The following SLC16A6 variants were observed in gnomAD, a reference collection of about 807,000 sequenced individuals.
SLC16A6 encodes monocarboxylate transporter 7.
Under a neutral mutation model 33.8 loss-of-function variants are expected in SLC16A6, and 15 were observed. The ratio of observed to expected loss-of-function variants is 0.44; its 90% CI spans 0.30 to 0.68. The LOEUF (loss-of-function observed/expected upper bound fraction) is 0.68, where lower values mean the gene tolerates loss of function less well. SLC16A6 is among the 30% of genes least tolerant of loss of function. The probability of loss-of-function intolerance (pLI) is 0.10; values close to 1 mark genes in which losing one functional copy is unlikely to be tolerated. For missense variants in SLC16A6, 451 were observed against 661.5 expected (o/e 0.68, Z 3.49); for synonymous variants, 219 against 248.4 (o/e 0.88, Z 1.11).
At chr17:68,273,841 T>C in intron 3 of SLC16A6, 86 bp downstream of exon 3, 1 of 1,455,476 alleles carries the variant, frequency 6.9e-7, no homozygotes, top group Middle Eastern at 1.8e-4. Flanking sequence ...GAAAGAAATA[T>C]AGTTTGGCTT....
intron 1 of SLC16A6, among the ~76,000 whole-genome samples, chr17:68,281,573 CAAATAAAT>C (rs549607371): frequency 1.3e-5 from 2 of 151,750 alleles, no homozygotes; most frequent in Admixed American, 1.3e-4. Flanking sequence ...GACTCTGTCT[CAAATAAAT>C]AAATAAATAA....
At chr17:68,282,536 C>T (rs150924972) in intron 1 of SLC16A6, among the ~76,000 whole-genome samples, 20,093 of 151,082 alleles carry the variant, frequency 0.13, 1,702 homozygotes, top group Middle Eastern at 0.22. Flanking sequence ...CAGTGGCTCA[C>T]GCCTGTAATC....
intron 1 of SLC16A6, among the ~76,000 whole-genome samples, chr17:68,284,645 G>A (rs2075800832): frequency 6.6e-6 from 1 of 152,112 alleles, no homozygotes; most frequent in Non-Finnish European, 1.5e-5. Context: ...CTAATGTTCT[G>A]AATTTACTCT....
chr17:68,276,785 C>A (rs192914022), intron 2 of SLC16A6, among the ~76,000 whole-genome samples: 70 of 152,126 alleles, frequency 4.6e-4, no homozygotes, highest in African/African-American at 1.6e-3. Flanking sequence ...TTCAACAGCC[C>A]TTTTCTCTTA....
At position 68,272,675 on chromosome 17, in the gene SLC16A6, T is replaced by C; in HGVS notation, c.469A>G (p.Thr157Ala). The C allele has an allele frequency of 1.2e-6, 2 of 1,614,138 alleles. No individual in the cohort carries two copies. The highest frequency in any genetic ancestry group is 1.7e-6 in the Non-Finnish European group (2 of 1,179,992). ...RRSIVTAVAS[T>A]GECFAVFAFA... ...GCAAACACAGCGAAACATTCTCCTGTGGAAGCAACTGCAGTGACTATGGAA... is the reference window on the plus strand; with the variant it reads ...GCAAACACAGCGAAACATTCTCCTGCGGAAGCAACTGCAGTGACTATGGAA... The change falls in exon 4 of 6, where the codon ACA becomes GCA. Residue 157 changes from threonine (T) to alanine (A), a missense_variant. Transcript: ENST00000580666.
In SLC16A6 at chr17:68,270,955, GTCCCTCCTATTGT is replaced by G; in HGVS notation, c.1192_1204del (p.Thr398LeufsTer30). 1 of 1,614,162 alleles carries G rather than the reference GTCCCTCCTATTGT, an allele frequency of 6.2e-7. No homozygotes were observed. Among genetic ancestry groups the G allele is most frequent in the Non-Finnish European group, 8.5e-7 (1 of 1,180,038 alleles). On this transcript the variant is annotated frameshift_variant, in exon 5 of 6. Coordinates refer to ENST00000580666, the MANE Select transcript of SLC16A6 (RefSeq NM_004694.5). LOFTEE classifies it high-confidence loss of function. ...ATCCTCAGCAAGCAGTGGAATGTGAGTCCCTCCTATTGTTCCAACCATAAACCCAAAAAATATG... is the reference window on the plus strand; with the variant it reads ...ATCCTCAGCAAGCAGTGGAATGTGAGTCCAACCATAAACCCAAAAAATATG...
At chr17:68,272,877 T>A in intron 3 of SLC16A6, 110 bp from the exon 4 acceptor site, 1 of 1,330,352 alleles carries the variant, frequency 7.5e-7, no homozygotes, top group Non-Finnish European at 1.0e-6. Flanking sequence ...TCTTAAGTTC[T>A]AGGAGCCAAG....
At chr17:68,275,865 C>G (rs1304254841) in intron 2 of SLC16A6, among the ~76,000 whole-genome samples, 1 of 151,752 alleles carries the variant, frequency 6.6e-6, no homozygotes, top group East Asian at 2.0e-4. Flanking sequence ...TGCCTGTAAT[C>G]CCAGCTACTC....
chr17:68,289,109 G>A (rs1420673410), intron 1 of SLC16A6, among the ~76,000 whole-genome samples: 7 of 152,286 alleles, frequency 4.6e-5, no homozygotes, highest in African/African-American at 1.7e-4. Flanking sequence ...AATTAGGGAG[G>A]CCGAAGCAGG....
chr17:68,279,552 G>A (rs548450770), intron 1 of SLC16A6, among the ~76,000 whole-genome samples: 3 of 152,080 alleles, frequency 2.0e-5, no homozygotes, highest in Admixed American at 1.3e-4. Context: ...GTCTAAATAA[G>A]GTACTATTAT....
chr17:68,272,014 G>A (rs1273447239), intron 4 of SLC16A6, among the ~76,000 whole-genome samples: 5 of 152,090 alleles, frequency 3.3e-5, no homozygotes, highest in Admixed American at 2.0e-4. Flanking sequence ...TGTTGGCCAG[G>A]ATGGTCTCGA....
chr17:68,282,355 G>A (rs2075720151), intron 1 of SLC16A6, among the ~76,000 whole-genome samples: 2 of 152,060 alleles, frequency 1.3e-5, no homozygotes, highest in African/African-American at 4.8e-5. Context: ...CCTGTCGTGG[G>A]GTTGGGGGAA....
chr17:68,275,485 A>G (rs1555750585), intron 2 of SLC16A6, among the ~76,000 whole-genome samples: 2 of 152,186 alleles, frequency 1.3e-5, no homozygotes, highest in Non-Finnish European at 2.9e-5. Context: ...AACTAGAATA[A>G]TAGCATTTGG....
chr17:68,274,419 T>C (rs1029667843), intron 2 of SLC16A6: 32 of 190,290 alleles, frequency 1.7e-4, no homozygotes, highest in African/African-American at 5.7e-4. Flanking sequence ...TGAGCCAAGA[T>C]TGCACCACTG....
intron 1 of SLC16A6, among the ~76,000 whole-genome samples, chr17:68,280,210 A>T (rs1376331803): frequency 6.6e-6 from 1 of 150,476 alleles, no homozygotes; most frequent in Non-Finnish European, 1.5e-5. Flanking sequence ...AGAATTATTT[A>T]TATATGACCC....
intron 2 of SLC16A6, among the ~76,000 whole-genome samples, chr17:68,276,743 C>G (rs1253932064): frequency 1.3e-5 from 2 of 152,308 alleles, no homozygotes; most frequent in East Asian, 3.9e-4. Context: ...CGTGAGCCAC[C>G]ATGCCCAGCT....
rs116365189 is a variant in SLC16A6, at chr17:68,270,979, A to T, written c.1181T>A (p.Phe394Tyr). Residue 394 changes from phenylalanine (F) to tyrosine (Y), a missense_variant, in exon 5 of 6, where the codon TTT becomes TAT. By Grantham distance (22) the Phe-to-Tyr change is conservative (BLOSUM62 3). Around this residue, in one of 2 missense-constraint regions of SLC16A6, gnomAD observed 405 missense variants for 510.7 expected, o/e 0.79. Coordinates refer to ENST00000580666, the MANE Select transcript of SLC16A6 (RefSeq NM_004694.5). ...GLMSCSIFFG[F>Y]MVGTIGGTHI... is the part of the protein sequence containing the mutation. ...AGTCCCTCCTATTGTTCCAACCATA[A>T]ACCCAAAAAATATGCTGCATGACAT... The T allele has an allele frequency of 1.8e-4, 292 of 1,614,188 alleles. No individual in the cohort carries two copies. In the African/African-American group the frequency reaches 3.3e-3, roughly 18 times the overall value.
chr17:68,278,283 T>G lies in SLC16A6; in HGVS notation c.38A>C (p.Asn13Thr). 1 of 1,614,046 alleles carries G rather than the reference T, an allele frequency of 6.2e-7. No individual in the cohort carries two copies. The highest frequency in any genetic ancestry group is 8.5e-7 in the Non-Finnish European group (1 of 1,179,970). ...TCCATCAGGCACTTCAGTATACACA[T>G]TGGCTTTGGAACAAAGCTTTAATTT... ...QNKLKLCSKA[N>T]VYTEVPDGGW... Residue 13 changes from asparagine (N) to threonine (T), a missense_variant, in exon 2 of 6, where the codon AAT becomes ACT. Physicochemically the swap from Asn to Thr is moderately conservative, Grantham distance 65. Coordinates refer to ENST00000580666, the MANE Select transcript of SLC16A6 (RefSeq NM_004694.5).
Position 68,272,646 on chromosome 17 carries a change from G to A in SLC16A6, c.498C>T (p.Phe166=), listed in dbSNP as rs143522620. Reference sequence around the variant, plus strand: ...CTGTTGTAGTCCACCTACCTGGTGCGAAAGCAAACACAGCGAAACATTCTC... The same window carrying A: ...CTGTTGTAGTCCACCTACCTGGTGCAAAAGCAAACACAGCGAAACATTCTC... ...STGECFAVFA[F]APAIMALKER... The change falls in exon 4 of 6, where the codon TTC becomes TTT. Residue 166 remains phenylalanine, a synonymous_variant. Coordinates refer to ENST00000580666, the MANE Select transcript of SLC16A6 (RefSeq NM_004694.5). The A allele has an allele frequency of 4.1e-4, 663 of 1,613,806 alleles. No homozygotes were observed. Among genetic ancestry groups the A allele is most frequent in the Non-Finnish European group, 5.1e-4 (606 of 1,179,860 alleles).
Sources: allele counts gnomAD v4.1 joint callset (sites outside exome capture counted in the v4.1 genomes callset), GRCh38; gene constraint gnomAD v4.1.1; regional missense constraint gnomAD v4.1.1; transcripts MANE v1.5; gene names NCBI Gene and HGNC (gene_info 2026-07-23, HGNC 2026-07-21).